Variants in SPOPL observed in about 807,000 individuals in gnomAD.
SPOPL encodes the protein speckle type BTB/POZ protein like, also known as speckle-type POZ protein-like.
A neutral mutation model predicts 53.8 loss-of-function variants in SPOPL; 23 were observed. That is an observed-to-expected ratio of 0.43 (90% CI 0.31 to 0.61). The LOEUF (loss-of-function observed/expected upper bound fraction) is 0.61, where lower values mean the gene tolerates loss of function less well. Among genes scored for constraint, SPOPL ranks in the 20% least tolerant of loss-of-function variants. The probability of loss-of-function intolerance (pLI) is 0.12; values close to 1 mark genes in which losing one functional copy is unlikely to be tolerated. For synonymous variants in SPOPL, 164 were observed against 149.7 expected, an observed-to-expected ratio of 1.10 and a Z score of -0.70; for missense variants, 442 against 466.9, an observed-to-expected ratio of 0.95 and a Z score of 0.49.
At chr2:138,523,318 C>T (rs1573876116) in intron 1 of SPOPL, among the ~76,000 whole-genome samples, 3 of 152,268 alleles carry the variant, frequency 2.0e-5, no homozygotes, top group Admixed American at 2.0e-4. Flanking sequence ...CACCCACCCC[C>T]ATGATTTAGT....
rs1450542224 is a variant in SPOPL, at chr2:138,501,835, C to G, written c.-345C>G. Reference sequence around the variant, plus strand: ...TCGGAAGCCGGAGCCCAGACGGGCCCGCGGCGGGGGGGTGGGGGCTGCGCG... The same window carrying G: ...TCGGAAGCCGGAGCCCAGACGGGCCGGCGGCGGGGGGGTGGGGGCTGCGCG... On this transcript the variant is annotated 5_prime_UTR_variant, in exon 1 of 11. Transcript: ENST00000280098. 1 of 144,868 alleles carries G rather than the reference C, an allele frequency of 6.9e-6. No individual in the cohort carries two copies. The highest frequency in any genetic ancestry group is 1.5e-5 in the Non-Finnish European group (1 of 66,198). The allele number at this position is 144,868 out of a possible 1,614,324, so 9.0% of individuals were successfully genotyped here. A position where few individuals can be genotyped will look rare whatever the true frequency, so the allele number is the denominator to read the frequency against.
At chr2:138,536,337 G>GCCC (rs74611889) in intron 1 of SPOPL, among the ~76,000 whole-genome samples, 180 of 98,544 alleles carry the variant, frequency 1.8e-3, no homozygotes, top group African/African-American at 7.0e-3. Context: ...TCTATTTAGT[G>GCCC]CCCCCCCCCC....
rs187444436 is a variant in SPOPL, at chr2:138,501,937, T to C, written c.-243T>C. The C allele has an allele frequency of 0.011, 1,629 of 151,808 alleles. 34 individuals carry two copies. Among genetic ancestry groups the C allele is most frequent in the African/African-American group, 0.037 (1,543 of 41,358 alleles). 9.4% of individuals were successfully genotyped at this position (151,808 alleles called of 1,614,324 possible). ...GGGGAAGAAGTTTAGGAGCGGGAGA[T>C]AGGGAAGGAGGGCGGGTCGGGGAGG... On this transcript the variant is annotated 5_prime_UTR_variant, in exon 1 of 11. Transcript: ENST00000280098.
At chr2:138,542,222 G>A (rs1008687502) in intron 1 of SPOPL, among the ~76,000 whole-genome samples, 2 of 152,148 alleles carry the variant, frequency 1.3e-5, no homozygotes, top group Non-Finnish European at 2.9e-5. Context: ...TTGATTTGGG[G>A]TGGAGAGTTC....
At chr2:138,530,928 T>A (rs930094228) in intron 1 of SPOPL, among the ~76,000 whole-genome samples, 6 of 151,024 alleles carry the variant, frequency 4.0e-5, no homozygotes, top group Admixed American at 4.0e-4. Context: ...AGTGAGTGTG[T>A]GTGTGTGTGT....
chr2:138,540,257 A>T (rs1685040141), intron 1 of SPOPL, among the ~76,000 whole-genome samples: 1 of 152,156 alleles, frequency 6.6e-6, no homozygotes. Flanking sequence ...ATGAACTTGA[A>T]AGTAGTTTTT....
At position 138,570,198 on chromosome 2, in the gene SPOPL, A is replaced by G. The variant is rs528300088; in HGVS notation, c.*1118A>G. 1 of 152,258 alleles carries G rather than the reference A, an allele frequency of 6.6e-6. No homozygotes were observed. The highest frequency in any genetic ancestry group is 1.9e-4 in the East Asian group (1 of 5,184). The allele number at this position is 152,258 out of a possible 1,614,324, so 9.4% of individuals were successfully genotyped here. ...ATCCTGGATAGTCTACTCTCCTTCA[A>G]ACAATTAACTGATACTTGCCTTTGG... On this transcript the variant is annotated 3_prime_UTR_variant, in exon 11 of 11. Coordinates refer to ENST00000280098, the MANE Select transcript of SPOPL (RefSeq NM_001001664.3).
chr2:138,521,692 A>C lies in SPOPL; in HGVS notation c.-61+19573A>C, dbSNP rs74326029. ...ATCAAGTAGAAAAAGAGTTGTTCCA[A>C]AAATATCTGGAAGTCTTTACCCTTG... is the stretch of plus-strand genomic sequence containing the variant. On this transcript the variant is annotated intron_variant, in intron 1 of 10. Coordinates refer to ENST00000280098, the MANE Select transcript of SPOPL (RefSeq NM_001001664.3). Among the ~76,000 whole-genome samples, 486 of 152,280 alleles carry C rather than the reference A, an allele frequency of 3.2e-3. 4 individuals are homozygous for C. The highest frequency in any genetic ancestry group is 0.011 in the African/African-American group (464 of 41,542).
chr2:138,527,765 T>C (rs978243716), intron 1 of SPOPL, among the ~76,000 whole-genome samples: 37 of 152,214 alleles, frequency 2.4e-4, no homozygotes, highest in Non-Finnish European at 5.9e-5. Flanking sequence ...AGGGACTGTG[T>C]TGCTAAAAGA....
At chr2:138,510,691 A>G (rs1448162955) in intron 1 of SPOPL, among the ~76,000 whole-genome samples, 1 of 152,180 alleles carries the variant, frequency 6.6e-6, no homozygotes, top group African/African-American at 2.4e-5. Context: ...TTCACATTAA[A>G]GTATAATTAA....
intron 1 of SPOPL, among the ~76,000 whole-genome samples, chr2:138,534,426 ATAT>A (rs1248337143): frequency 4.6e-5 from 7 of 152,306 alleles, no homozygotes; most frequent in African/African-American, 1.7e-4. Context: ...TCAAATGCAG[ATAT>A]TATACCATTT....
At chr2:138,534,246 G>A (rs986893449) in intron 1 of SPOPL, among the ~76,000 whole-genome samples, 43 of 152,074 alleles carry the variant, frequency 2.8e-4, no homozygotes, top group African/African-American at 8.9e-4. Flanking sequence ...TGCATCTGAG[G>A]ATTCAACCAA....
chr2:138,540,191 G>T (rs191988472), intron 1 of SPOPL, among the ~76,000 whole-genome samples: 1 of 152,042 alleles, frequency 6.6e-6, no homozygotes, highest in Non-Finnish European at 1.5e-5. Flanking sequence ...ATGCCTCCAG[G>T]TTTGTTCTTT....
At chr2:138,522,843 A>T (rs1361076010) in intron 1 of SPOPL, among the ~76,000 whole-genome samples, 1 of 152,196 alleles carries the variant, frequency 6.6e-6, no homozygotes, top group Non-Finnish European at 1.5e-5. Flanking sequence ...TACAAGATGG[A>T]CTTTCTGTTT....
chr2:138,558,607 A>G (rs1418619369), intron 5 of SPOPL, among the ~76,000 whole-genome samples: 1 of 152,148 alleles, frequency 6.6e-6, no homozygotes, highest in African/African-American at 2.4e-5. Flanking sequence ...TAAACAAAAT[A>G]CTATGTTTAT....
At chr2:138,568,683 T>A (rs749084406) in intron 10 of SPOPL, among the ~76,000 whole-genome samples, 2 of 152,046 alleles carry the variant, frequency 1.3e-5, no homozygotes, top group Non-Finnish European at 2.9e-5. Flanking sequence ...ATTGTAACAA[T>A]GAGAGTTGAA....
chr2:138,532,841 T>A (rs1684843207), intron 1 of SPOPL, among the ~76,000 whole-genome samples: 3 of 152,170 alleles, frequency 2.0e-5, no homozygotes, highest in Admixed American at 6.5e-5. Flanking sequence ...CCTGATTGCT[T>A]GAGCAGCTCT....
Position 138,550,412 on chromosome 2 carries a change from G to C in SPOPL, c.79-71G>C, listed in dbSNP as rs924043054. 21 of 1,585,678 alleles carry C rather than the reference G, an allele frequency of 1.3e-5. No individual in the cohort carries two copies. In the African/African-American group the frequency reaches 2.4e-4, roughly 18 times the overall value. ...AGAAGTGTTAGAAGACTGGATCGTA[G>C]GATGTTGAACATGTAACAAGTTAAA... On this transcript the variant is annotated intron_variant, in intron 2 of 10. Transcript: ENST00000280098.
intron 1 of SPOPL, among the ~76,000 whole-genome samples, chr2:138,537,046 G>C (rs1684951342): frequency 6.6e-6 from 1 of 152,196 alleles, no homozygotes; most frequent in Non-Finnish European, 1.5e-5. Flanking sequence ...GCCCAAAGTA[G>C]AGCCTCCACC....
Sources: gnomAD v4.1 joint callset for allele counts (sites outside exome capture counted in the v4.1 genomes callset) on GRCh38, gnomAD v4.1.1 for gene constraint, MANE v1.5 for transcripts, NCBI Gene and HGNC (gene_info 2026-07-23, HGNC 2026-07-21) for gene names.